ESPNL: variants seen among roughly 807,000 people sequenced by gnomAD.
ESPNL encodes the protein espin like.
A neutral mutation model predicts 46.8 loss-of-function variants in ESPNL; 49 were observed. That is an observed-to-expected ratio of 1.05 (90% CI 0.83 to 1.33). The LOEUF (loss-of-function observed/expected upper bound fraction) is 1.33. ESPNL is among the 40% of genes most tolerant of loss of function. ESPNL has a pLI of 0.00. For synonymous variants in ESPNL, 664 were observed against 662.1 expected (o/e 1.00, Z -0.04); for missense variants, 1,540 against 1,436.6 (o/e 1.07, Z -1.16).
At chr2:238,118,767 GGATGGAGGAGGGGA>G (rs1691894105) in intron 5 of ESPNL, among the ~76,000 whole-genome samples, 12 of 54,006 alleles carry the variant, frequency 2.2e-4, no homozygotes, top group East Asian at 2.0e-3. Context: ...GGAGGAGGGT[GGATGGAGGAGGGGA>G]GATGGAGGAG....
In ESPNL at chr2:238,128,829, C is replaced by T. The variant is rs1298705830; in HGVS notation, c.1338C>T (p.Ile446=). The part of the protein sequence containing the change: ...VPTRDERGQP[I]PEWKRQVMVR... ...CGCGGGATGAGCGCGGCCAGCCCATCCCAGAGTGGAAGCGGCAGGTGATGG... is the reference window on the plus strand; with the variant it reads ...CGCGGGATGAGCGCGGCCAGCCCATTCCAGAGTGGAAGCGGCAGGTGATGG... The change falls in exon 8 of 9, where the codon ATC becomes ATT. Residue 446 remains isoleucine, a synonymous_variant. Transcript: ENST00000343063. 1.9e-6 allele frequency: 3 copies of T among 1,550,436 alleles called. No homozygotes were observed. The highest frequency in any genetic ancestry group is 2.4e-5 in the East Asian group (1 of 40,978).
intron 5 of ESPNL, among the ~76,000 whole-genome samples, chr2:238,124,719 GTGCATGTGTGCAGGAGAGTACA>G (rs1692063903): frequency 4.3e-5 from 5 of 117,324 alleles, no homozygotes; most frequent in South Asian, 2.7e-4. Flanking sequence ...AGGAGAGTAC[GTGCATGTGTGCAGGAGAGTACA>G]TGCATGTGTG....
chr2:238,123,100 A>T (rs6744116), intron 5 of ESPNL, among the ~76,000 whole-genome samples: 5 of 151,984 alleles, frequency 3.3e-5, no homozygotes, highest in African/African-American at 1.2e-4. Flanking sequence ...GCTGTGCCGC[A>T]TAGGTCTGTA....
intron 4 of ESPNL, among the ~76,000 whole-genome samples, chr2:238,113,931 C>A (rs993995582): frequency 1.3e-5 from 2 of 152,124 alleles, no homozygotes; most frequent in Non-Finnish European, 2.9e-5. Context: ...CACCCCTCAC[C>A]CCCCAGGCTT....
In ESPNL at chr2:238,101,469, C is replaced by T. The variant is rs186241716; in HGVS notation, c.295-472C>T. On this transcript the variant is annotated intron_variant, in intron 1 of 8. Coordinates refer to ENST00000343063, the MANE Select transcript of ESPNL (RefSeq NM_194312.4). ...GTGCCTGCCTGGGGATCCATTCTGA[C>T]AGGGCCCTTGGAGAAGGCCCAGGTC... Among the ~76,000 whole-genome samples the T allele has an allele frequency of 3.1e-4, 47 of 152,324 alleles. No homozygotes were observed. In the East Asian group the frequency reaches 7.7e-3, roughly 25 times the overall value.
rs950346910 is a variant in ESPNL, at chr2:238,114,513, C to T, written c.856-2390C>T. On this transcript the variant is annotated intron_variant, in intron 4 of 8. Coordinates refer to ENST00000343063, the MANE Select transcript of ESPNL (RefSeq NM_194312.4). This position sits in a 1 kb window ranked among gnomAD's most constrained non-coding sequence, Gnocchi z 5.0. ...AGTGCCTCTCTCCAGCGACTGGCTT[C>T]AGCGACCTGCCCCAGCCTCCCCAGC... Among the ~76,000 whole-genome samples, 2 of 152,138 alleles carry T rather than the reference C, an allele frequency of 1.3e-5. No individual in the cohort carries two copies. Among genetic ancestry groups the T allele is most frequent in the Admixed American group, 1.3e-4 (2 of 15,286 alleles).
At position 238,126,126 on chromosome 2, in the gene ESPNL, GTGTC is replaced by G. The variant is rs535175080; in HGVS notation, c.1102+746_1102+749del. On this transcript the variant is annotated intron_variant, in intron 6 of 8. Transcript: ENST00000343063. ...TGATTGTGTGTCTCTGTGATTGATT[GTGTC>G]TGTGTCTGTGTGATTGTGTCTGTGT... Among the ~76,000 whole-genome samples, 22 of 151,200 alleles carry G rather than the reference GTGTC, an allele frequency of 1.5e-4. No homozygotes were observed. In the East Asian group the frequency reaches 4.3e-3, roughly 29 times the overall value.
At chr2:238,119,564 ATGGATGGAGGAGG>A (rs1244677286) in intron 5 of ESPNL, among the ~76,000 whole-genome samples, 96 of 97,498 alleles carry the variant, frequency 9.8e-4, no homozygotes, top group Middle Eastern at 0.013. Context: ...TGAAGGAGGA[ATGGATGGAGGAGG>A]TGGATGGAGG....
intron 4 of ESPNL, among the ~76,000 whole-genome samples, chr2:238,109,554 T>C (rs957229761): frequency 3.2e-4 from 49 of 152,216 alleles, no homozygotes; most frequent in African/African-American, 1.2e-3. Context: ...GGAGTCTCAC[T>C]GTGCTGAGCC....
rs767145038 is a variant in ESPNL, at chr2:238,131,484, G to A, written c.2770G>A (p.Ala924Thr). ...GACCGACGGCTTCGAGGACATCAAA[G>A]CCCGCTTCTTTGGCTCCAGCCAGCG... ...AWTDGFEDIK[A>T]RFFGSSQRPA... Residue 924 changes from alanine to threonine, a missense_variant, in exon 9 of 9, where the codon GCC becomes ACC. Ala to Thr is a moderately conservative substitution (Grantham distance 58, BLOSUM62 0). Coordinates refer to ENST00000343063, the MANE Select transcript of ESPNL (RefSeq NM_194312.4). 3 of 1,611,712 alleles carry A rather than the reference G, an allele frequency of 1.9e-6. No individual in the cohort carries two copies. The highest frequency in any genetic ancestry group is 1.7e-5 in the Admixed American group (1 of 59,936).
chr2:238,103,722 A>AT (rs1453007096), intron 2 of ESPNL, among the ~76,000 whole-genome samples: 2 of 152,204 alleles, frequency 1.3e-5, no homozygotes, highest in African/African-American at 4.8e-5. Context: ...TCCCCTGAGA[A>AT]GGGCACCAAG....
chr2:238,103,267 A>T (rs1478204575), intron 2 of ESPNL, among the ~76,000 whole-genome samples: 1 of 152,292 alleles, frequency 6.6e-6, no homozygotes, highest in South Asian at 2.1e-4. Flanking sequence ...CTACAAAAAA[A>T]TTTATTTAAA....
intron 5 of ESPNL, among the ~76,000 whole-genome samples, chr2:238,122,863 A>C (rs11902989): frequency 6.6e-5 from 10 of 152,094 alleles, no homozygotes; most frequent in African/African-American, 2.4e-4. Flanking sequence ...TGTCGGTGAC[A>C]CCACTTGTGT....
chr2:238,128,287 A>G (rs944637652), intron 7 of ESPNL, among the ~76,000 whole-genome samples: 1 of 152,078 alleles, frequency 6.6e-6, no homozygotes, highest in South Asian at 2.1e-4. Flanking sequence ...CGTCGTGGAG[A>G]GCTGGAGCGC....
In ESPNL at chr2:238,107,834, G is replaced by A. The variant is rs760739385; in HGVS notation, c.716G>A (p.Gly239Glu). The A allele has an allele frequency of 1.2e-6, 2 of 1,606,198 alleles. No homozygotes were observed. Among genetic ancestry groups the A allele is most frequent in the Admixed American group, 3.4e-5 (2 of 59,142 alleles). ...GGACTCACGGCACGGGACAATGAGG[G>A]GGCCACGGCCCTGCACTTTGCAGCC... The part of the protein sequence containing the change: ...DIGLTARDNE[G>E]ATALHFAARG... The change falls in exon 4 of 9, where the codon GGG becomes GAG. Residue 239 changes from glycine to glutamate, a missense_variant. By Grantham distance (98) the Gly-to-Glu change is moderately conservative. Coordinates refer to ENST00000343063, the MANE Select transcript of ESPNL (RefSeq NM_194312.4).
At chr2:238,121,132 C>T (rs1451081794) in intron 5 of ESPNL, among the ~76,000 whole-genome samples, 1 of 152,172 alleles carries the variant, frequency 6.6e-6, no homozygotes, top group Non-Finnish European at 1.5e-5. Context: ...GCCTTGGGGC[C>T]CCTCTCCACG....
At position 238,127,685 on chromosome 2, in the gene ESPNL, C is replaced by A; in HGVS notation, c.1166C>A (p.Thr389Asn). The A allele has an allele frequency of 6.2e-7, 1 of 1,612,400 alleles. No individual in the cohort carries two copies. Among genetic ancestry groups the A allele is most frequent in the East Asian group, 2.2e-5 (1 of 44,848 alleles). Residue 389 changes from threonine to asparagine, a missense_variant, in exon 7 of 9, where the codon ACC (threonine) becomes AAC (asparagine). By Grantham distance (65) the Thr-to-Asn change is moderately conservative. Transcript: ENST00000343063. Reference protein sequence around the residue: ...PDQPLPREQMTSPAPPRIITS... With the variant: ...PDQPLPREQMNSPAPPRIITS... Reference sequence around the variant, plus strand: ...CAGCCTCTTCCCAGGGAGCAGATGACCAGCCCGGCCCCTCCGAGGATCATC... The same window carrying A: ...CAGCCTCTTCCCAGGGAGCAGATGAACAGCCCGGCCCCTCCGAGGATCATC...
At chr2:238,105,337 G>T (rs543126285) in intron 3 of ESPNL, among the ~76,000 whole-genome samples, 51 of 152,154 alleles carry the variant, frequency 3.4e-4, no homozygotes, top group African/African-American at 1.2e-3. Context: ...ATCTTCAAGG[G>T]GGGGCTGGGG....
intron 2 of ESPNL, among the ~76,000 whole-genome samples, chr2:238,103,486 C>T (rs1345902663): frequency 1.3e-5 from 2 of 152,204 alleles, no homozygotes; most frequent in East Asian, 1.9e-4. Context: ...CACGCACACA[C>T]GCACACACAA....
Sources: gnomAD v4.1 joint callset for allele counts (sites outside exome capture counted in the v4.1 genomes callset) on GRCh38, gnomAD v4.1.1 for gene constraint, Gnocchi (gnomAD v3.1) non-coding constraint, MANE v1.5 for transcripts, NCBI Gene and HGNC (gene_info 2026-07-23, HGNC 2026-07-21) for gene names.